The following PLCB1 variants were observed in gnomAD, a reference collection of about 807,000 sequenced individuals.
PLCB1 encodes the protein phospholipase C beta 1.
Under a neutral mutation model 161.8 loss-of-function variants are expected in PLCB1, and 46 were observed. The ratio of observed to expected loss-of-function variants is 0.28; its 90% confidence interval spans 0.22 to 0.36. The LOEUF (loss-of-function observed/expected upper bound fraction) is 0.36, where lower values mean the gene tolerates loss of function less well. Among genes scored for constraint, PLCB1 ranks in the 10% least tolerant of loss-of-function variants. The probability of loss-of-function intolerance (pLI) is 1.00; values close to 1 mark genes in which losing one functional copy is unlikely to be tolerated. For missense variants in PLCB1, 1,016 were observed against 1,472.5 expected, an observed-to-expected ratio of 0.69 and a Z score of 5.07; for synonymous variants, 517 against 503.7, an observed-to-expected ratio of 1.03 and a Z score of -0.35.
At chr20:8,740,534 A>C (rs2123519055) in intron 22 of PLCB1, 86 bp downstream of exon 22, 1 of 619,836 alleles carries the variant, frequency 1.6e-6, no homozygotes, top group South Asian at 2.5e-5. Flanking sequence ...TGAAAGGAAA[A>C]CTGAACCAAA....
chr20:8,871,688 G>T (rs924984483), intron 31 of PLCB1, among the ~76,000 whole-genome samples: 1 of 152,032 alleles, frequency 6.6e-6, no homozygotes, highest in Admixed American at 6.5e-5. Flanking sequence ...CAAAAAACCA[G>T]AATATAGTCC....
rs1407959188 is a variant in PLCB1, at chr20:8,640,995, CTTAGAGTA to C, written c.385-5105_385-5098del. Among the ~76,000 whole-genome samples, 11 of 152,252 alleles carry C rather than the reference CTTAGAGTA, an allele frequency of 7.2e-5. No individual in the cohort carries two copies. The South Asian group carries it at 2.1e-3, about 29-fold the overall frequency. Reference sequence around the variant, plus strand: ...CTAGAACTGGCAGCCTGAACTCTTCCTTAGAGTATCAGGATACCATTTAGAAGAATATT... The same window carrying C: ...CTAGAACTGGCAGCCTGAACTCTTCCTCAGGATACCATTTAGAAGAATATT... On this transcript the variant is annotated intron_variant, in intron 4 of 31. Transcript: ENST00000338037.
intron 4 of PLCB1, among the ~76,000 whole-genome samples, chr20:8,638,746 T>G (rs1175269804): frequency 6.6e-6 from 1 of 152,204 alleles, no homozygotes; most frequent in African/African-American, 2.4e-5. Flanking sequence ...ATATTACACC[T>G]GTCACTGGTC....
chr20:8,511,908 T>G (rs928942166), intron 3 of PLCB1, among the ~76,000 whole-genome samples: 1 of 152,196 alleles, frequency 6.6e-6, no homozygotes, highest in African/African-American at 2.4e-5. Flanking sequence ...TTTGAGTTCC[T>G]TATATATTTT....
intron 22 of PLCB1, 48 bp from the exon 23 acceptor site, chr20:8,741,416 A>G (rs758346505): frequency 2.3e-6 from 3 of 1,297,512 alleles, no homozygotes; most frequent in Non-Finnish European, 3.3e-6. Context: ...ATGATGGATA[A>G]TCAATACTTC....
intron 2 of PLCB1, among the ~76,000 whole-genome samples, chr20:8,165,155 C>A (rs1430291147): frequency 6.6e-6 from 1 of 152,096 alleles, no homozygotes; most frequent in Non-Finnish European, 1.5e-5. Flanking sequence ...TGGCTTCTAG[C>A]CATCATGAGG....
chr20:8,635,817 T>C (rs966565414), intron 4 of PLCB1, among the ~76,000 whole-genome samples: 2 of 152,154 alleles, frequency 1.3e-5, no homozygotes, highest in African/African-American at 4.8e-5. Flanking sequence ...TAAGGCCACC[T>C]CCGGGCCATT....
chr20:8,705,365 G>C (rs1279138381), intron 11 of PLCB1, among the ~76,000 whole-genome samples: 12 of 152,238 alleles, frequency 7.9e-5, no homozygotes, highest in African/African-American at 1.9e-4. Context: ...CATATATTAG[G>C]AGTTCATTCA....
intron 3 of PLCB1, among the ~76,000 whole-genome samples, chr20:8,558,281 CATAA>C (rs2123014518): frequency 6.6e-6 from 1 of 151,540 alleles, no homozygotes; most frequent in African/African-American, 2.4e-5. Flanking sequence ...TCATATAATA[CATAA>C]ATATATACAC....
chr20:8,883,362 G>GGT lies in PLCB1; in HGVS notation c.*1514_*1515dup, dbSNP rs1988061747. The GGT allele has an allele frequency of 6.6e-6, 1 of 151,634 alleles. No homozygotes were observed. The highest frequency in any genetic ancestry group is 2.4e-5 in the African/African-American group (1 of 41,302). 9.4% of individuals were successfully genotyped at this position (151,634 alleles called of 1,614,324 possible). A position where few individuals can be genotyped will look rare whatever the true frequency, so the allele number is the denominator to read the frequency against. ...GAATAAGAGAAACAAATTATATCAAGGTAAAACTGATCAAAAGCATAATTG... is the reference window on the plus strand; with the variant it reads ...GAATAAGAGAAACAAATTATATCAAGGTGTAAAACTGATCAAAAGCATAATTG... On this transcript the variant is annotated 3_prime_UTR_variant, in exon 32 of 32. Transcript: ENST00000338037.
At chr20:8,608,079 T>C (rs1987807430) in intron 3 of PLCB1, among the ~76,000 whole-genome samples, 1 of 152,162 alleles carries the variant, frequency 6.6e-6, no homozygotes, top group Non-Finnish European at 1.5e-5. Context: ...TCTATCTCTA[T>C]GTACTTGGGT....
intron 3 of PLCB1, among the ~76,000 whole-genome samples, chr20:8,516,664 CATATATATATATATAT>C (rs57237224): frequency 0.06 from 4,312 of 72,268 alleles, 130 homozygotes; most frequent in South Asian, 0.086. Flanking sequence ...AATATAACAT[CATATATATATATATAT>C]ATATATATAT....
At chr20:8,321,644 T>G (rs1984924507) in intron 2 of PLCB1, among the ~76,000 whole-genome samples, 1 of 152,132 alleles carries the variant, frequency 6.6e-6, no homozygotes, top group African/African-American at 2.4e-5. Context: ...CAAAATATCA[T>G]GGGTACAGAT....
At chr20:8,343,747 A>G (rs984552755) in intron 2 of PLCB1, among the ~76,000 whole-genome samples, 8 of 152,142 alleles carry the variant, frequency 5.3e-5, no homozygotes, top group African/African-American at 1.7e-4. Flanking sequence ...CACCCAGTTC[A>G]CATGCCTGTA....
intron 31 of PLCB1, among the ~76,000 whole-genome samples, chr20:8,847,524 T>C (rs148345299): frequency 3.4e-3 from 517 of 152,316 alleles, no homozygotes; most frequent in Non-Finnish European, 4.8e-3. Context: ...TGAAGTGTTT[T>C]CTGACACCAA....
intron 4 of PLCB1, among the ~76,000 whole-genome samples, chr20:8,629,037 C>T (rs2123219315): frequency 6.6e-6 from 1 of 152,228 alleles, no homozygotes; most frequent in Non-Finnish European, 1.5e-5. Context: ...AACACTTTCT[C>T]CCAAGTCATT....
intron 3 of PLCB1, among the ~76,000 whole-genome samples, chr20:8,521,091 G>T (rs1271632019): frequency 1.3e-5 from 2 of 152,160 alleles, no homozygotes; most frequent in Admixed American, 1.3e-4. Context: ...GGTGCAAAAA[G>T]AAAAGGCTAA....
chr20:8,614,720 A>G (rs1193494028), intron 3 of PLCB1, among the ~76,000 whole-genome samples: 1 of 151,992 alleles, frequency 6.6e-6, no homozygotes, highest in Non-Finnish European at 1.5e-5. Flanking sequence ...AATTTCAACC[A>G]AATTAAAAAT....
At chr20:8,250,743 AG>A (rs1981097670) in intron 2 of PLCB1, among the ~76,000 whole-genome samples, 1 of 151,986 alleles carries the variant, frequency 6.6e-6, no homozygotes, top group South Asian at 2.1e-4. Flanking sequence ...CTGCCAGGTC[AG>A]GGGGCAAGAG....
Sources: gnomAD v4.1 joint callset for allele counts (sites outside exome capture counted in the v4.1 genomes callset) on GRCh38, gnomAD v4.1.1 for gene constraint, MANE v1.5 for transcripts, NCBI Gene and HGNC (gene_info 2026-07-23, HGNC 2026-07-21) for gene names.